Variants in FNIP1 observed in about 807,000 individuals in gnomAD.
FNIP1 encodes the protein folliculin-interacting protein 1.
In FNIP1, 40 loss-of-function variants were observed where a neutral mutation model predicts 124.5. The observed-to-expected ratio is 0.32, with a 90% CI of 0.25 to 0.42. The LOEUF (loss-of-function observed/expected upper bound fraction) is 0.42. Ranked by LOEUF, FNIP1 falls within the 10% of genes least tolerant of loss-of-function variation. The pLI is 1.00. For missense variants in FNIP1, 1,176 were observed against 1,403.7 expected, an observed-to-expected ratio of 0.84 and a Z score of 2.59; for synonymous variants, 472 against 470.6, an observed-to-expected ratio of 1.00 and a Z score of -0.04.
rs571055335 is a variant in FNIP1, at chr5:131,679,145, T to C, written c.1233A>G (p.Pro411=). The C allele has an allele frequency of 1.9e-6, 3 of 1,597,598 alleles. No individual in the cohort carries two copies. The South Asian group carries it at 3.3e-5, about 18-fold the overall frequency. The part of the protein sequence containing the change: ...RTTICNLYTM[P]RIGEPVWLTM... ...TAAGCCAGACAGGTTCTCCAATTCG[T>C]GGCATCGTGTAAAGATTACAAATTG... The change falls in exon 12 of 18, where the codon CCA becomes CCG. Residue 411 remains proline (P), a synonymous_variant. Coordinates refer to ENST00000510461, the MANE Select transcript of FNIP1 (RefSeq NM_133372.3).
intron 1 of FNIP1, among the ~76,000 whole-genome samples, chr5:131,754,316 C>T (rs1770974634): frequency 6.6e-6 from 1 of 152,200 alleles, no homozygotes; most frequent in South Asian, 2.1e-4. Flanking sequence ...CATGCTATGA[C>T]TGAGGCAAAC....
At chr5:131,667,573 T>TTTTGTTTG (rs35498280) in intron 15 of FNIP1, among the ~76,000 whole-genome samples, 3 of 150,824 alleles carry the variant, frequency 2.0e-5, no homozygotes, top group East Asian at 2.0e-4. Context: ...ACTTCTGTTT[T>TTTTGTTTG]TTTGTTTGTT....
In FNIP1 at chr5:131,675,008, G is replaced by A. The variant is rs1767872133; in HGVS notation, c.1520-2084C>T. 2.0e-5 allele frequency among the ~76,000 whole-genome samples: 3 copies of A among 152,162 alleles called. No individual in the cohort carries two copies. The South Asian group carries it at 6.2e-4, about 31-fold the overall frequency. ...AAGTAAGTTGAAATTGCTTTGGCATGGCAAGTGAGTCTTTCATGATTCCCA... is the reference window on the plus strand; with the variant it reads ...AAGTAAGTTGAAATTGCTTTGGCATAGCAAGTGAGTCTTTCATGATTCCCA... On this transcript the variant is annotated intron_variant, in intron 13 of 17. Coordinates refer to ENST00000510461, the MANE Select transcript of FNIP1 (RefSeq NM_133372.3).
intron 17 of FNIP1, 137 bp from the exon 18 acceptor site, chr5:131,644,900 A>G (rs755824023): frequency 1.4e-6 from 1 of 694,962 alleles, no homozygotes; most frequent in South Asian, 1.8e-5. Context: ...GAAAGGAAAA[A>G]TTCTCAGTAA....
At chr5:131,761,661 A>G (rs1241830736) in intron 1 of FNIP1, among the ~76,000 whole-genome samples, 3 of 152,184 alleles carry the variant, frequency 2.0e-5, no homozygotes, top group Non-Finnish European at 2.9e-5. Context: ...GGAAGAATCA[A>G]TATTGTTAAA....
intron 3 of FNIP1, among the ~76,000 whole-genome samples, chr5:131,729,800 C>T (rs1000728333): frequency 1.3e-5 from 2 of 151,878 alleles, no homozygotes; most frequent in Non-Finnish European, 2.9e-5. Flanking sequence ...GGCTGTAGTG[C>T]AATGGCGCAA....
At chr5:131,650,581 T>G (rs1178909014) in intron 16 of FNIP1, among the ~76,000 whole-genome samples, 2 of 152,222 alleles carry the variant, frequency 1.3e-5, no homozygotes, top group Non-Finnish European at 2.9e-5. Flanking sequence ...TAATTTTATT[T>G]CCTCTTTTCC....
chr5:131,643,327 A>G lies in FNIP1; in HGVS notation c.*1358T>C, dbSNP rs1766770843. ...AAATATATTTAATAACTGAATAAAC[A>G]AGTGGTTTTCTTTTTTTAATCAATG... is the stretch of plus-strand genomic sequence containing the variant. On this transcript the variant is annotated 3_prime_UTR_variant, in exon 18 of 18. Transcript: ENST00000510461. 1 of 152,760 alleles carries G rather than the reference A, an allele frequency of 6.5e-6. No homozygotes were observed. Among genetic ancestry groups the G allele is most frequent in the South Asian group, 2.1e-4 (1 of 4,834 alleles). 9.5% of individuals were successfully genotyped at this position (152,760 alleles called of 1,614,324 possible).
chr5:131,672,942 A>C lies in FNIP1; in HGVS notation c.1520-18T>G, dbSNP rs1767808854. 1 of 1,505,860 alleles carries C rather than the reference A, an allele frequency of 6.6e-7. No homozygotes were observed. Among genetic ancestry groups the C allele is most frequent in the African/African-American group, 1.4e-5 (1 of 71,478 alleles). The allele number at this position is 1,505,860 out of a possible 1,614,324, so 93.3% of individuals were successfully genotyped here. A position where few individuals can be genotyped will look rare whatever the true frequency, so the allele number is the denominator to read the frequency against. ...CAAGTCTCCTGTAATGGAAAAAATC[A>C]GTTATTGGACATGTCCTTTACTGAC... On this transcript the variant is annotated intron_variant, in intron 13 of 17. Transcript: ENST00000510461.
At chr5:131,706,016 A>G (rs1183626339) in intron 9 of FNIP1, among the ~76,000 whole-genome samples, 4 of 152,194 alleles carry the variant, frequency 2.6e-5, no homozygotes, top group Non-Finnish European at 5.9e-5. Flanking sequence ...GCAGTGTATG[A>G]TTTCATTCAT....
chr5:131,791,879 A>G (rs919792135), intron 1 of FNIP1, among the ~76,000 whole-genome samples: 4 of 24,566 alleles, frequency 1.6e-4, no homozygotes, highest in Non-Finnish European at 2.7e-4. Context: ...TTATGGAAAG[A>G]AAAAAAAAAA....
At chr5:131,690,275 A>G (rs1200467824) in intron 11 of FNIP1, among the ~76,000 whole-genome samples, 2 of 152,138 alleles carry the variant, frequency 1.3e-5, no homozygotes, top group Non-Finnish European at 2.9e-5. Flanking sequence ...TAAGGTATAG[A>G]AAAAGATATA....
rs184677457 is a variant in FNIP1, at chr5:131,723,437, T to C, written c.355-4020A>G. On this transcript the variant is annotated intron_variant, in intron 3 of 17. Transcript: ENST00000510461. The stretch of plus-strand genomic sequence containing the variant: ...TTAATAAATTGCTATGTGAATTTTA[T>C]GACACCATATAGTTTACTACTAAGG... Among the ~76,000 whole-genome samples the C allele has an allele frequency of 3.1e-4, 47 of 152,330 alleles. No individual in the cohort carries two copies. The South Asian group carries it at 5.2e-3, about 17-fold the overall frequency.
At chr5:131,677,194 A>C (rs1767936771) in intron 13 of FNIP1, among the ~76,000 whole-genome samples, 1 of 152,182 alleles carries the variant, frequency 6.6e-6, no homozygotes, top group Non-Finnish European at 1.5e-5. Flanking sequence ...ACCCTGGTAC[A>C]ATCCCTCCCT....
rs191562220 is a variant in FNIP1 at position 131,771,362 on chromosome 5, T to C, written c.92+25468A>G. On this transcript the variant is annotated intron_variant, in intron 1 of 17. Coordinates refer to ENST00000510461, the MANE Select transcript of FNIP1 (RefSeq NM_133372.3). ...CAAAATAGCTTAATAACCATCATAC[T>C]CTTAAGGCAGAACATGATTTGTTTT... is the stretch of plus-strand genomic sequence containing the variant. Among the ~76,000 whole-genome samples, 242 of 152,274 alleles carry C rather than the reference T, an allele frequency of 1.6e-3. 1 individual carries two copies. Among genetic ancestry groups the C allele is most frequent in the Middle Eastern group, 3.4e-3 (1 of 294 alleles).
At chr5:131,750,631 T>A (rs7735770) in intron 1 of FNIP1, among the ~76,000 whole-genome samples, 1 of 151,388 alleles carries the variant, frequency 6.6e-6, no homozygotes, top group Non-Finnish European at 1.5e-5. Context: ...TTTTTTTTTT[T>A]AGACAGAGTC....
chr5:131,670,659 T>C, intron 14 of FNIP1, 28 bp from the exon 15 acceptor site: 1 of 1,538,758 alleles, frequency 6.5e-7, no homozygotes, highest in Non-Finnish European at 8.7e-7. Flanking sequence ...CCAAAAGACA[T>C]TTATTTAGTA....
At chr5:131,702,870 C>T (rs191180394) in intron 10 of FNIP1, among the ~76,000 whole-genome samples, 1 of 152,280 alleles carries the variant, frequency 6.6e-6, no homozygotes, top group African/African-American at 2.4e-5. Context: ...TTTTCCTTCG[C>T]CTCTGCTGGT....
intron 11 of FNIP1, among the ~76,000 whole-genome samples, chr5:131,693,350 A>G (rs569370387): frequency 7.3e-5 from 10 of 136,484 alleles, no homozygotes; most frequent in Admixed American, 1.5e-4. Context: ...ATATATATAT[A>G]TATATATATA....
Sources: gnomAD v4.1 joint callset for allele counts (sites outside exome capture counted in the v4.1 genomes callset) on GRCh38, gnomAD v4.1.1 for gene constraint, MANE v1.5 for transcripts, NCBI Gene and HGNC (gene_info 2026-07-23, HGNC 2026-07-21) for gene names.